Variants in CIMAP1D observed in about 807,000 individuals in gnomAD.
The protein encoded by CIMAP1D is protein CIMAP1D.
At chr19:480,699 G>A in the CIMAP1D span, among the ~76,000 whole-genome samples, 2 of 113,238 alleles carry the variant, frequency 1.8e-5, no homozygotes, top group African/African-American at 6.7e-5. Flanking sequence ...GATGGAGAAC[G>A]ATGATGGAGA....
chr19:485,204 T>C, the CIMAP1D span, among the ~76,000 whole-genome samples: 2 of 151,298 alleles, frequency 1.3e-5, no homozygotes, highest in Non-Finnish European at 1.5e-5. Flanking sequence ...GTAACACACG[T>C]ACACACACAC....
At chr19:465,579 G>A in the CIMAP1D span, among the ~76,000 whole-genome samples, 1 of 144,666 alleles carries the variant, frequency 6.9e-6, no homozygotes, top group Non-Finnish European at 1.5e-5. Flanking sequence ...AGGTAGATGG[G>A]CAGGCAGGTG....
chr19:463,654 G>T, the CIMAP1D span: 1 of 836,820 alleles, frequency 1.2e-6, no homozygotes, highest in Non-Finnish European at 1.8e-6. Flanking sequence ...CCTGCACCCT[G>T]CACAGGGCCA....
the CIMAP1D span, among the ~76,000 whole-genome samples, chr19:486,127 C>A: frequency 6.6e-6 from 1 of 152,234 alleles, no homozygotes; most frequent in Non-Finnish European, 1.5e-5. Context: ...GCTGGGCACC[C>A]AGCCCATGCC....
chr19:465,864 G>A, the CIMAP1D span, among the ~76,000 whole-genome samples: 12 of 134,334 alleles, frequency 8.9e-5, no homozygotes, highest in Non-Finnish European at 1.6e-4. Context: ...GGATGGATGG[G>A]TGGGTGGATG....
chr19:479,416 G>T, the CIMAP1D span, among the ~76,000 whole-genome samples: 3 of 146,060 alleles, frequency 2.1e-5, no homozygotes, highest in Non-Finnish European at 4.6e-5. Context: ...TTTTTTGGGG[G>T]GGGGGGGGAT....
chr19:470,311 A>G, the CIMAP1D span, among the ~76,000 whole-genome samples: 3 of 146,928 alleles, frequency 2.0e-5, no homozygotes, highest in African/African-American at 7.6e-5. Flanking sequence ...GGTTCATGCC[A>G]TTCTCCTGCC....
the CIMAP1D span, among the ~76,000 whole-genome samples, chr19:478,150 A>G: frequency 7.3e-4 from 111 of 152,254 alleles, no homozygotes; most frequent in South Asian, 0.022. Flanking sequence ...GGGAGAGAGG[A>G]GGAAAGGCCC....
At chr19:486,523 C>T in the CIMAP1D span, among the ~76,000 whole-genome samples, 3 of 152,068 alleles carry the variant, frequency 2.0e-5, no homozygotes, top group African/African-American at 7.2e-5. Flanking sequence ...TCACTGCAAC[C>T]TCCGCCTGGT....
chr19:480,491 TAAGGATGATGGAG>T, the CIMAP1D span, among the ~76,000 whole-genome samples: 1 of 71,102 alleles, frequency 1.4e-5, no homozygotes, highest in Non-Finnish European at 2.6e-5. Flanking sequence ...AGGATGATGG[TAAGGATGATGGAG>T]AAGGATGATG....
the CIMAP1D span, among the ~76,000 whole-genome samples, chr19:487,641 G>A: frequency 2.0e-5 from 3 of 152,132 alleles, no homozygotes; most frequent in South Asian, 2.1e-4. Flanking sequence ...CTGCGCTCCA[G>A]CCTGGGCCAC....
the CIMAP1D span, among the ~76,000 whole-genome samples, chr19:468,056 G>A: frequency 1.3e-5 from 2 of 152,146 alleles, no homozygotes; most frequent in Non-Finnish European, 2.9e-5. Flanking sequence ...GAACCAGCTC[G>A]TGGGTTTGTT....
chr19:480,629 GGGA>G, the CIMAP1D span, among the ~76,000 whole-genome samples: 816 of 116,790 alleles, frequency 7.0e-3, no homozygotes, highest in South Asian at 0.02. Context: ...AAGGATGATG[GGGA>G]AGGATGATGG....
At chr19:484,704 G>T in the CIMAP1D span, among the ~76,000 whole-genome samples, 3 of 152,216 alleles carry the variant, frequency 2.0e-5, no homozygotes, top group Non-Finnish European at 4.4e-5. Context: ...CTGGCGAGGC[G>T]GAGGAGCGAG....
At chr19:481,474 G>GGGAAGGATGAT in the CIMAP1D span, among the ~76,000 whole-genome samples, 2 of 44,650 alleles carry the variant, frequency 4.5e-5, no homozygotes, top group Non-Finnish European at 1.1e-4. Flanking sequence ...GAAGGATGAT[G>GGGAAGGATGAT]GGGAAGGATG....
the CIMAP1D span, chr19:463,881 C>G: frequency 1.9e-6 from 3 of 1,610,812 alleles, no homozygotes; most frequent in Non-Finnish European, 2.5e-6. Flanking sequence ...CCCCGCAGGC[C>G]GGGAGGGCGT....
At chr19:467,573 A>G in the CIMAP1D span, 4 of 899,734 alleles carry the variant, frequency 4.4e-6, no homozygotes, top group Non-Finnish European at 7.5e-6. Flanking sequence ...TAAGAGGGGG[A>G]GGGAGGACAG....
the CIMAP1D span, among the ~76,000 whole-genome samples, chr19:481,008 C>T: frequency 0.017 from 620 of 36,734 alleles, 4 homozygotes; most frequent in African/African-American, 0.081. Context: ...AAAACGATGA[C>T]GGAGAATGAT....
the CIMAP1D span, among the ~76,000 whole-genome samples, chr19:468,308 G>A: frequency 6.6e-6 from 1 of 152,242 alleles, no homozygotes; most frequent in African/African-American, 2.4e-5. Context: ...TGAGGCTGCA[G>A]TGAGCTGTGA....
Sources: gnomAD v4.1 joint callset for allele counts (sites outside exome capture counted in the v4.1 genomes callset) on GRCh38, gnomAD v4.1.1 for gene constraint, MANE v1.5 for transcripts, NCBI Gene and HGNC (gene_info 2026-07-23, HGNC 2026-07-21) for gene names.